GGA2: variants seen among roughly 807,000 people sequenced by gnomAD.
GGA2 encodes golgi associated, gamma adaptin ear containing, ARF binding protein 2.
A neutral mutation model predicts 79.5 loss-of-function variants in GGA2; 48 were observed. The observed-to-expected ratio is 0.60, with a 90% confidence interval of 0.48 to 0.77. GGA2 has a LOEUF of 0.77. GGA2 is among the 30% of genes least tolerant of loss of function. The probability of loss-of-function intolerance (pLI) is 0.00; values close to 1 mark genes in which losing one functional copy is unlikely to be tolerated. For synonymous variants in GGA2, 317 were observed against 302.0 expected (o/e 1.05, Z -0.51); for missense variants, 770 against 774.0 (o/e 0.99, Z 0.06).
chr16:23,521,837 TAGAAAC>T, exon 1 of GGA2: 1 of 455,938 alleles, frequency 2.2e-6, no homozygotes, highest in Non-Finnish European at 4.4e-6. Flanking sequence ...CTTAATGTCT[TAGAAAC>T]AGATGCTCTG....
intron 11 of GGA2, 85 bp downstream of exon 11, chr16:23,479,680 C>T: frequency 1.4e-6 from 2 of 1,460,590 alleles, no homozygotes; most frequent in Non-Finnish European, 9.4e-7. Flanking sequence ...CCCTCAGCAG[C>T]AGGCATGTGC....
intron 3 of GGA2, chr16:23,493,875 T>C (rs967388038): frequency 1.4e-5 from 4 of 290,964 alleles, no homozygotes; most frequent in South Asian, 4.2e-5. Context: ...TCGTCCATAC[T>C]GTGGCTTTCA....
chr16:23,476,985 T>G (rs1373588290), intron 13 of GGA2, among the ~76,000 whole-genome samples: 1 of 152,212 alleles, frequency 6.6e-6, no homozygotes, highest in Non-Finnish European at 1.5e-5. Context: ...AGGGTCTCAC[T>G]CTGCTGCCCA....
intron 2 of GGA2, chr16:23,519,579 T>C (rs747511024): frequency 4.8e-6 from 2 of 412,970 alleles, no homozygotes; most frequent in South Asian, 1.7e-5. Flanking sequence ...AGAAGAGAGA[T>C]GATTTACCTT....
At chr16:23,487,241 A>G (rs376727129) in intron 6 of GGA2, among the ~76,000 whole-genome samples, 5 of 152,218 alleles carry the variant, frequency 3.3e-5, no homozygotes, top group African/African-American at 1.2e-4. Context: ...CGGCCTCCCA[A>G]AATGCTGGGA....
chr16:23,497,955 G>A (rs906240885), intron 1 of GGA2, among the ~76,000 whole-genome samples: 5 of 152,092 alleles, frequency 3.3e-5, no homozygotes, highest in Non-Finnish European at 5.9e-5. Flanking sequence ...GCAACATAAC[G>A]AGACCCAATC....
At chr16:23,493,546 C>T (rs761005900) in intron 3 of GGA2, 88 bp from the exon 4 acceptor site, 43 of 854,204 alleles carry the variant, frequency 5.0e-5, no homozygotes, top group South Asian at 4.9e-4. Flanking sequence ...CTGGAGACTG[C>T]GCTGGAACCA....
At chr16:23,473,227 A>T (rs1964535752) in intron 14 of GGA2, among the ~76,000 whole-genome samples, 1 of 150,800 alleles carries the variant, frequency 6.6e-6, no homozygotes, top group Non-Finnish European at 1.5e-5. Context: ...TAAGAACTGT[A>T]TGTACATATA....
chr16:23,479,741 C>G, intron 11 of GGA2, 24 bp downstream of exon 11: 1 of 1,613,026 alleles, frequency 6.2e-7, no homozygotes, highest in Non-Finnish European at 8.5e-7. Context: ...CCTGTGCCTG[C>G]TCCCCACAAG....
rs57255054 is a variant in GGA2 at position 23,467,387 on chromosome 16, AACACACACACACAC to A, written c.*189_*202del. ...GCCCTGTGCTACCACCCTCTCCCCG[AACACACACACACAC>A]ACACACACACACACACACACACACA... On this transcript the variant is annotated 3_prime_UTR_variant, in exon 17 of 17. Coordinates refer to ENST00000309859, the MANE Select transcript of GGA2 (RefSeq NM_015044.4). 4.7e-3 allele frequency: 1,541 copies of A among 327,542 alleles called. 5 individuals are homozygous for A. The highest frequency in any genetic ancestry group is 0.02 in the East Asian group (374 of 18,448). The allele number at this position is 327,542 out of a possible 1,614,324, so 20.3% of individuals were successfully genotyped here.
intron 1 of GGA2, among the ~76,000 whole-genome samples, chr16:23,520,173 A>C (rs1219586980): frequency 2.0e-5 from 3 of 148,818 alleles, no homozygotes; most frequent in Non-Finnish European, 4.4e-5. Context: ...AAACCACTTG[A>C]ACCCGGGAAG....
Position 23,510,313 on chromosome 16 carries a change from C to A in GGA2, c.91+8G>T, listed in dbSNP as rs1205577608. 5.6e-6 allele frequency: 8 copies of A among 1,428,116 alleles called. No individual in the cohort carries two copies. The highest frequency in any genetic ancestry group is 7.4e-6 in the Non-Finnish European group (8 of 1,087,494). 88.5% of individuals were successfully genotyped at this position (1,428,116 alleles called of 1,614,324 possible). On this transcript the variant is annotated splice_region_variant and intron_variant, in intron 1 of 16. Transcript: ENST00000309859. ...GCGGCTGCGCCGAAGGCCTGCCAGG[C>A]TACTCACTGAGCCACAGCTCCAGCG...
chr16:23,468,837 A>T, intron 16 of GGA2, 49 bp downstream of exon 16: 1 of 1,044,254 alleles, frequency 9.6e-7, no homozygotes, highest in Non-Finnish European at 1.5e-6. Flanking sequence ...ACCTCCCCTT[A>T]CAGTTCAGGG....
chr16:23,473,405 C>T (rs1328053663), intron 14 of GGA2, among the ~76,000 whole-genome samples: 2 of 126,316 alleles, frequency 1.6e-5, no homozygotes, highest in Admixed American at 2.1e-4. Context: ...GGCACGATCT[C>T]AGCTCACTGC....
At chr16:23,523,986 CTCT>C (rs2142157680), upstream of GGA2, 1 of 173,436 alleles carries the variant, frequency 5.8e-6, no homozygotes, top group East Asian at 1.5e-4. Flanking sequence ...GAAAATAAAT[CTCT>C]GTTGTTTAAA....
chr16:23,510,256 G>C (rs1310501732), intron 1 of GGA2, 65 bp downstream of exon 1: 15 of 1,082,988 alleles, frequency 1.4e-5, no homozygotes, highest in Non-Finnish European at 1.9e-5. Context: ...AAGGCCCCGG[G>C]AGGCGGGAAG....
chr16:23,500,349 C>G (rs1964907074), intron 1 of GGA2, among the ~76,000 whole-genome samples: 1 of 152,254 alleles, frequency 6.6e-6, no homozygotes, highest in African/African-American at 2.4e-5. Flanking sequence ...ACATGCTGAG[C>G]TGTTGCTTGA....
chr16:23,516,142 G>A (rs2056312515), intron 2 of GGA2, among the ~76,000 whole-genome samples: 1 of 151,982 alleles, frequency 6.6e-6, no homozygotes, highest in South Asian at 2.1e-4. Flanking sequence ...CTAATAGGTG[G>A]GACTACAGGC....
At chr16:23,479,564 G>C (rs565198418) in intron 11 of GGA2, among the ~76,000 whole-genome samples, 27 of 151,502 alleles carry the variant, frequency 1.8e-4, no homozygotes, top group Middle Eastern at 6.8e-3. Flanking sequence ...GCTTCCCAAG[G>C]GGACCAGCTC....
Sources: gnomAD v4.1 joint callset for allele counts (sites outside exome capture counted in the v4.1 genomes callset) on GRCh38, gnomAD v4.1.1 for gene constraint, MANE v1.5 for transcripts, NCBI Gene and HGNC (gene_info 2026-07-23, HGNC 2026-07-21) for gene names.